The following BTBD9 variants were observed in gnomAD, a reference collection of about 807,000 sequenced individuals.
BTBD9 encodes BTB domain containing 9.
A neutral mutation model predicts 64.3 loss-of-function variants in BTBD9; 49 were observed. The observed-to-expected ratio is 0.76, with a 90% CI of 0.61 to 0.97. BTBD9 has a LOEUF of 0.97. Among genes scored for constraint, BTBD9 ranks in the 50% least tolerant of loss-of-function variants. The pLI is 0.00. For synonymous variants in BTBD9, 260 were observed against 274.7 expected, an observed-to-expected ratio of 0.95 and a Z score of 0.53; for missense variants, 598 against 762.1, an observed-to-expected ratio of 0.78 and a Z score of 2.53.
At chr6:38,288,024 AGG>A (rs1761812025) in intron 8 of BTBD9, among the ~76,000 whole-genome samples, 1 of 152,334 alleles carries the variant, frequency 6.6e-6, no homozygotes, top group Non-Finnish European at 1.5e-5. Flanking sequence ...TAAGCCACCC[AGG>A]GAGAAGCCTC....
At chr6:38,280,504 A>C (rs1408608479) in intron 8 of BTBD9, among the ~76,000 whole-genome samples, 1 of 152,208 alleles carries the variant, frequency 6.6e-6, no homozygotes, top group East Asian at 1.9e-4. Flanking sequence ...AATTATAAGC[A>C]ATCTTAATCC....
At chr6:38,462,911 A>G (rs546824211) in intron 6 of BTBD9, among the ~76,000 whole-genome samples, 1 of 152,060 alleles carries the variant, frequency 6.6e-6, no homozygotes, top group East Asian at 1.9e-4. Context: ...CTATCCTCCC[A>G]CCTCAGACTC....
At chr6:38,332,743 A>G (rs542125919) in intron 7 of BTBD9, among the ~76,000 whole-genome samples, 1 of 152,342 alleles carries the variant, frequency 6.6e-6, no homozygotes, top group Admixed American at 6.5e-5. Flanking sequence ...GTACTGTATT[A>G]AATTTATACA....
At chr6:38,220,241 C>T (rs1360426966) in intron 9 of BTBD9, among the ~76,000 whole-genome samples, 6 of 152,346 alleles carry the variant, frequency 3.9e-5, no homozygotes, top group East Asian at 1.9e-4. Context: ...GCAATACTGA[C>T]GTTCACTAGT....
intron 6 of BTBD9, among the ~76,000 whole-genome samples, chr6:38,412,645 G>A (rs932001228): frequency 1.3e-5 from 2 of 151,598 alleles, no homozygotes; most frequent in African/African-American, 4.9e-5. Flanking sequence ...GATCAAACGA[G>A]GTCAGGAGTT....
At chr6:38,503,349 T>C (rs1772303174) in intron 6 of BTBD9, among the ~76,000 whole-genome samples, 2 of 152,040 alleles carry the variant, frequency 1.3e-5, no homozygotes, top group South Asian at 4.2e-4. Flanking sequence ...GGCTAATCTC[T>C]CCACCAAGAC....
At chr6:38,553,599 A>G (rs542731946) in intron 6 of BTBD9, among the ~76,000 whole-genome samples, 7 of 152,360 alleles carry the variant, frequency 4.6e-5, no homozygotes, top group South Asian at 2.1e-4. Flanking sequence ...ACTCTTTGCC[A>G]TAAGAGCCAA....
intron 7 of BTBD9, among the ~76,000 whole-genome samples, chr6:38,332,921 T>C (rs763606152): frequency 3.2e-4 from 48 of 152,224 alleles, no homozygotes; most frequent in Non-Finnish European, 5.9e-4. Context: ...GGAGAAACAA[T>C]TTAAAAACTC....
intron 1 of BTBD9, among the ~76,000 whole-genome samples, chr6:38,618,430 C>T (rs1007833062): frequency 6.6e-5 from 10 of 152,202 alleles, no homozygotes; most frequent in African/African-American, 2.4e-4. Context: ...GCAAAGCTTG[C>T]AATTTACATT....
At chr6:38,326,447 G>C (rs75598160) in intron 7 of BTBD9, among the ~76,000 whole-genome samples, 1 of 152,196 alleles carries the variant, frequency 6.6e-6, no homozygotes, top group East Asian at 1.9e-4. Context: ...ATAAGACAAC[G>C]CTGGGGGGAG....
At chr6:38,521,496 G>A (rs917306951) in intron 6 of BTBD9, among the ~76,000 whole-genome samples, 2 of 152,116 alleles carry the variant, frequency 1.3e-5, no homozygotes, top group African/African-American at 4.8e-5. Flanking sequence ...ATACTTACTG[G>A]TTGAACATCC....
intron 9 of BTBD9, among the ~76,000 whole-genome samples, chr6:38,255,531 T>C (rs1400794420): frequency 6.6e-6 from 1 of 152,232 alleles, no homozygotes; most frequent in Non-Finnish European, 1.5e-5. Flanking sequence ...TCTCTTTTCA[T>C]GTACCATGAT....
At chr6:38,418,081 A>G (rs1391999773) in intron 6 of BTBD9, among the ~76,000 whole-genome samples, 2 of 152,112 alleles carry the variant, frequency 1.3e-5, no homozygotes, top group East Asian at 3.9e-4. Flanking sequence ...ATCATCATTT[A>G]TGTCTTGCTT....
chr6:38,205,902 A>T (rs1762629531), intron 9 of BTBD9, among the ~76,000 whole-genome samples: 1 of 148,532 alleles, frequency 6.7e-6, no homozygotes, highest in African/African-American at 2.5e-5. Flanking sequence ...GAAAGAAAGA[A>T]AGAAAGGAAG....
chr6:38,463,647 C>CTTCTGTGT (rs1217418345), intron 6 of BTBD9, among the ~76,000 whole-genome samples: 4 of 152,214 alleles, frequency 2.6e-5, no homozygotes, highest in Non-Finnish European at 4.4e-5. Flanking sequence ...GTGTTATAAG[C>CTTCTGTGT]TCAACTGTGT....
At chr6:38,398,469 T>A (rs143345282) in intron 6 of BTBD9, among the ~76,000 whole-genome samples, 588 of 152,202 alleles carry the variant, frequency 3.9e-3, no homozygotes, top group Non-Finnish European at 5.4e-3. Flanking sequence ...AAGGAGGAAG[T>A]AAATACCCTC....
chr6:38,306,855 A>G (rs1160946483), intron 7 of BTBD9, among the ~76,000 whole-genome samples: 2 of 152,242 alleles, frequency 1.3e-5, no homozygotes, highest in Non-Finnish European at 2.9e-5. Flanking sequence ...GAGGACTGTC[A>G]TCTTCAAACA....
intron 6 of BTBD9, among the ~76,000 whole-genome samples, chr6:38,507,717 C>T (rs748160268): frequency 4.9e-4 from 74 of 152,082 alleles, no homozygotes; most frequent in Non-Finnish European, 1.0e-3. Context: ...TTTCCTGAAA[C>T]GTTAGTGCTT....
At chr6:38,203,103 TA>T (rs1353110204) in intron 9 of BTBD9, among the ~76,000 whole-genome samples, 1 of 152,026 alleles carries the variant, frequency 6.6e-6, no homozygotes, top group Non-Finnish European at 1.5e-5. Flanking sequence ...TGGGAAAATG[TA>T]AATCAAAACC....
Sources: gnomAD v4.1 joint callset for allele counts (sites outside exome capture counted in the v4.1 genomes callset) on GRCh38, gnomAD v4.1.1 for gene constraint, MANE v1.5 for transcripts, NCBI Gene and HGNC (gene_info 2026-07-23, HGNC 2026-07-21) for gene names.